Variants in EML4 observed in about 807,000 individuals in gnomAD.
The protein encoded by EML4 is echinoderm microtubule-associated protein-like 4.
In EML4, 72 loss-of-function variants were observed where a neutral mutation model predicts 129.0. The ratio of observed to expected loss-of-function variants is 0.56; its 90% CI spans 0.46 to 0.68. EML4 has a LOEUF of 0.68. EML4 is among the 30% of genes least tolerant of loss of function. The probability of loss-of-function intolerance (pLI) is 0.00; values close to 1 mark genes in which losing one functional copy is unlikely to be tolerated. For synonymous variants in EML4, 532 were observed against 405.0 expected, an observed-to-expected ratio of 1.31 and a Z score of -3.77; for missense variants, 1,363 against 1,190.6, an observed-to-expected ratio of 1.14 and a Z score of -2.13.
intron 17 of EML4, among the ~76,000 whole-genome samples, chr2:42,310,870 G>T (rs1350357076): frequency 1.3e-5 from 2 of 152,140 alleles, no homozygotes; most frequent in East Asian, 3.8e-4. Flanking sequence ...GAGCCCAAAA[G>T]TCTTTTCTGA....
At chr2:42,190,674 C>A (rs1487489043) in intron 1 of EML4, among the ~76,000 whole-genome samples, 1 of 152,138 alleles carries the variant, frequency 6.6e-6, no homozygotes, top group Non-Finnish European at 1.5e-5. Flanking sequence ...CTTCCTGACA[C>A]AATAATTTTA....
At chr2:42,257,995 T>A (rs945606040) in intron 3 of EML4, among the ~76,000 whole-genome samples, 5 of 152,202 alleles carry the variant, frequency 3.3e-5, no homozygotes, top group Non-Finnish European at 5.9e-5. Flanking sequence ...TTTAGTACAA[T>A]TTTAAATAAA....
chr2:42,202,929 A>G (rs147219509), intron 1 of EML4, among the ~76,000 whole-genome samples: 2,308 of 152,208 alleles, frequency 0.015, 34 homozygotes, highest in Middle Eastern at 0.027. Context: ...TTAGGAGGCT[A>G]AGACCTGAGG....
chr2:42,232,656 C>G (rs1023212319), intron 1 of EML4, among the ~76,000 whole-genome samples: 1 of 152,202 alleles, frequency 6.6e-6, no homozygotes, highest in African/African-American at 2.4e-5. Flanking sequence ...AAGTGCTTTC[C>G]TGAGTCTTAC....
intron 1 of EML4, among the ~76,000 whole-genome samples, chr2:42,188,543 T>G (rs1045692308): frequency 5.6e-5 from 8 of 142,518 alleles, no homozygotes; most frequent in Non-Finnish European, 9.2e-5. Flanking sequence ...TAGGGTTTAC[T>G]TTTAAAATTA....
intron 17 of EML4, among the ~76,000 whole-genome samples, chr2:42,314,671 T>C (rs192652695): frequency 1.3e-5 from 2 of 152,338 alleles, no homozygotes; most frequent in Admixed American, 6.5e-5. Context: ...TGTTCACTTA[T>C]TCATTCTGCA....
chr2:42,196,166 TCATTCAGTCATTAATGAGTGAATTAATA>T (rs1487728145), intron 1 of EML4, among the ~76,000 whole-genome samples: 11 of 152,338 alleles, frequency 7.2e-5, no homozygotes, highest in African/African-American at 2.2e-4. Context: ...ACCCTAGCGT[TCATTCAGTCATTAATGAGTGAATTAATA>T]CATTCAGTCA....
At chr2:42,233,343 T>C (rs1674468425) in intron 1 of EML4, among the ~76,000 whole-genome samples, 1 of 151,574 alleles carries the variant, frequency 6.6e-6, no homozygotes, top group Non-Finnish European at 1.5e-5. Context: ...TCTCACTCTG[T>C]CGCCCAGGCT....
At chr2:42,204,448 C>T (rs1242046774) in intron 1 of EML4, among the ~76,000 whole-genome samples, 1 of 152,136 alleles carries the variant, frequency 6.6e-6, no homozygotes, top group Non-Finnish European at 1.5e-5. Flanking sequence ...CACACATCTC[C>T]AGTGGGACTA....
Position 42,297,849 on chromosome 2 carries a change from G to C in EML4, c.1489+2333G>C, listed in dbSNP as rs888353202. Reference sequence around the variant, plus strand: ...TAATCCTTTTACTTTTGTAATAGGAGACAAACCAAAACTGTATTTTATGTC... The same window carrying C: ...TAATCCTTTTACTTTTGTAATAGGACACAAACCAAAACTGTATTTTATGTC... On this transcript the variant is annotated intron_variant, in intron 13 of 22. Coordinates refer to ENST00000318522, the MANE Select transcript of EML4 (RefSeq NM_019063.5). 6.8e-4 allele frequency among the ~76,000 whole-genome samples: 103 copies of C among 152,278 alleles called. 1 individual carries two copies. The highest frequency in any genetic ancestry group is 2.5e-3 in the African/African-American group (102 of 41,552).
chr2:42,224,092 A>G (rs1673795901), intron 1 of EML4, among the ~76,000 whole-genome samples: 1 of 152,142 alleles, frequency 6.6e-6, no homozygotes, highest in South Asian at 2.1e-4. Context: ...TGAATCACCC[A>G]TTTAAAACAT....
chr2:42,261,703 A>G (rs1261757132), intron 4 of EML4, among the ~76,000 whole-genome samples: 1 of 152,156 alleles, frequency 6.6e-6, no homozygotes, highest in East Asian at 1.9e-4. Context: ...TACAACCTTC[A>G]ACCTGCAAGG....
chr2:42,209,688 G>A (rs1462741883), intron 1 of EML4, among the ~76,000 whole-genome samples: 1 of 152,208 alleles, frequency 6.6e-6, no homozygotes, highest in Non-Finnish European at 1.5e-5. Flanking sequence ...CCAGCACTTT[G>A]GGAGGCTGAG....
At chr2:42,203,960 G>C (rs988947110) in intron 1 of EML4, among the ~76,000 whole-genome samples, 3 of 151,950 alleles carry the variant, frequency 2.0e-5, no homozygotes, top group African/African-American at 7.3e-5. Flanking sequence ...TCGCCCTTTT[G>C]CCCAGGCTAG....
rs908995633 is a variant in EML4, at chr2:42,251,627, C to G, written c.209-4874C>G. On this transcript the variant is annotated intron_variant, in intron 2 of 22. Transcript: ENST00000318522. ...AAAGACTGAAGCAAGAGTAATCAGC[C>G]AATTGAGAAAAGTGACGAAGAGCCT... 5.3e-5 allele frequency among the ~76,000 whole-genome samples: 8 copies of G among 152,050 alleles called. 1 individual carries two copies. The East Asian group carries it at 1.5e-3, about 29-fold the overall frequency.
chr2:42,225,982 T>G (rs973312869), intron 1 of EML4, among the ~76,000 whole-genome samples: 2 of 151,994 alleles, frequency 1.3e-5, no homozygotes, highest in Non-Finnish European at 2.9e-5. Context: ...AAATTTGTTT[T>G]ATTTTTAAGG....
At chr2:42,238,792 A>G (rs1324757226) in intron 1 of EML4, among the ~76,000 whole-genome samples, 2 of 152,026 alleles carry the variant, frequency 1.3e-5, no homozygotes, top group African/African-American at 2.4e-5. Context: ...ATTGTTATTT[A>G]TTTGTTTTAA....
chr2:42,281,692 C>G (rs1004139389), intron 7 of EML4, among the ~76,000 whole-genome samples: 1 of 152,156 alleles, frequency 6.6e-6, no homozygotes, highest in African/African-American at 2.4e-5. Context: ...CATTTTGTAA[C>G]CTCAAATTAA....
At chr2:42,197,984 T>A (rs1036948745) in intron 1 of EML4, among the ~76,000 whole-genome samples, 2 of 152,214 alleles carry the variant, frequency 1.3e-5, no homozygotes, top group African/African-American at 2.4e-5. Context: ...CTGCAATTAC[T>A]AGTTTGTAGC....
Sources: gnomAD v4.1 joint callset for allele counts (sites outside exome capture counted in the v4.1 genomes callset) on GRCh38, gnomAD v4.1.1 for gene constraint, MANE v1.5 for transcripts, NCBI Gene and HGNC (gene_info 2026-07-23, HGNC 2026-07-21) for gene names.